LRFN5: variants seen among roughly 807,000 people sequenced by gnomAD.
LRFN5 encodes leucine-rich repeat and fibronectin type-III domain-containing protein 5.
In LRFN5, 24 loss-of-function variants were observed where a neutral mutation model predicts 45.6. The observed-to-expected ratio is 0.53, with a 90% CI of 0.38 to 0.74. LRFN5 has a LOEUF of 0.74. Ranked by LOEUF, LRFN5 falls within the 30% of genes least tolerant of loss-of-function variation. The pLI, the probability that LRFN5 is intolerant of heterozygous loss-of-function variation, is 0.00. For missense variants in LRFN5, 776 were observed against 861.5 expected, an observed-to-expected ratio of 0.90 and a Z score of 1.24; for synonymous variants, 340 against 313.8, an observed-to-expected ratio of 1.08 and a Z score of -0.88.
Position 41,629,146 on chromosome 14 carries a change from G to C in LRFN5, c.-197+20584G>C, listed in dbSNP as rs532269535. Among the ~76,000 whole-genome samples the C allele has an allele frequency of 1.1e-3, 172 of 152,208 alleles. 1 individual carries two copies. In the South Asian group the frequency reaches 0.035, roughly 31 times the overall value. The stretch of plus-strand genomic sequence containing the variant: ...ATTCTGCAGTTATTTATAAGTTCTG[G>C]GGATTTTCCCACTTTTATTTTAGAT... On this transcript the variant is annotated intron_variant, in intron 1 of 5. Coordinates refer to ENST00000298119, the MANE Select transcript of LRFN5 (RefSeq NM_152447.5).
In LRFN5 at chr14:41,758,305, T is replaced by A. The variant is rs535637878; in HGVS notation, c.-196-8549T>A. ...CTTCTGGATGTATCTTTTCTATTAA[T>A]GAATGCTGAGATTGCAGTCCTGAAA... On this transcript the variant is annotated intron_variant, in intron 1 of 5. Transcript: ENST00000298119. Among the ~76,000 whole-genome samples the A allele has an allele frequency of 4.2e-4, 64 of 152,312 alleles. 2 individuals carry two copies. The South Asian group carries it at 0.012, about 28-fold the overall frequency.
rs150832005 is a variant in LRFN5 at position 41,759,488 on chromosome 14, CACACACACACAG to C, written c.-196-7364_-196-7353del. Reference sequence around the variant, plus strand: ...ACACACACACACACACACACACACACACACACACACAGAGAGAGCACCAGAAAACAGCATTTT... The same window carrying C: ...ACACACACACACACACACACACACACAGAGAGCACCAGAAAACAGCATTTT... On this transcript the variant is annotated intron_variant, in intron 1 of 5. Coordinates refer to ENST00000298119, the MANE Select transcript of LRFN5 (RefSeq NM_152447.5). Among the ~76,000 whole-genome samples the C allele has an allele frequency of 0.017, 1,227 of 73,250 alleles. 15 individuals are homozygous for C. In the East Asian group the frequency reaches 0.25, roughly 15 times the overall value. 48.1% of individuals were successfully genotyped at this position (73,250 alleles called of 152,430 possible).
intron 2 of LRFN5, among the ~76,000 whole-genome samples, chr14:41,825,898 T>G (rs1286619877): frequency 6.6e-6 from 1 of 152,204 alleles, no homozygotes; most frequent in African/African-American, 2.4e-5. Flanking sequence ...AGGGATTTGG[T>G]GAACTAACAA....
intron 2 of LRFN5, among the ~76,000 whole-genome samples, chr14:41,825,450 G>A (rs900001218): frequency 2.0e-5 from 3 of 152,186 alleles, no homozygotes; most frequent in Admixed American, 6.5e-5. Flanking sequence ...CTCTTGGTAC[G>A]GGAGAACATG....
chr14:41,868,182 C>T (rs1218404472), intron 2 of LRFN5, among the ~76,000 whole-genome samples: 1 of 151,940 alleles, frequency 6.6e-6, no homozygotes, highest in Non-Finnish European at 1.5e-5. Flanking sequence ...AAGACATAGC[C>T]CTTCAAAAGC....
At chr14:41,768,087 TC>T (rs1457940325) in intron 2 of LRFN5, among the ~76,000 whole-genome samples, 3 of 152,186 alleles carry the variant, frequency 2.0e-5, no homozygotes, top group Non-Finnish European at 1.5e-5. Flanking sequence ...GTTAAAATTT[TC>T]TTGAAGTGAA....
chr14:41,716,573 A>C (rs2138758850), intron 1 of LRFN5, among the ~76,000 whole-genome samples: 1 of 152,206 alleles, frequency 6.6e-6, no homozygotes, highest in East Asian at 1.9e-4. Context: ...CCCTTATTCC[A>C]GTTCCCAACA....
chr14:41,832,784 T>C lies in LRFN5; in HGVS notation c.-20-53822T>C, dbSNP rs531807287. ...CCATTACCGATTTTTCAAAATGCCG[T>C]TCTACTTTTCTCTTGTGTGAGCTGT... On this transcript the variant is annotated intron_variant, in intron 2 of 5. Coordinates refer to ENST00000298119, the MANE Select transcript of LRFN5 (RefSeq NM_152447.5). 7.9e-5 allele frequency among the ~76,000 whole-genome samples: 12 copies of C among 152,314 alleles called. No homozygotes were observed. In the South Asian group the frequency reaches 2.5e-3, roughly 32 times the overall value.
intron 1 of LRFN5, among the ~76,000 whole-genome samples, chr14:41,654,565 G>A (rs1880286680): frequency 6.6e-6 from 1 of 151,952 alleles, no homozygotes; most frequent in Admixed American, 6.6e-5. Context: ...GCAGAAGGAG[G>A]TCTCAGTAAA....
intron 1 of LRFN5, chr14:41,701,521 G>A (rs1882840675): frequency 6.6e-6 from 1 of 152,210 alleles, no homozygotes; most frequent in South Asian, 2.1e-4. Flanking sequence ...TCAGGCCGAA[G>A]TGGGTTCATC....
At chr14:41,795,625 A>G (rs1887095278) in intron 2 of LRFN5, among the ~76,000 whole-genome samples, 1 of 152,054 alleles carries the variant, frequency 6.6e-6, no homozygotes, top group Non-Finnish European at 1.5e-5. Flanking sequence ...TGTCCTTTGT[A>G]GGGACATGGA....
intron 5 of LRFN5, among the ~76,000 whole-genome samples, chr14:41,902,142 T>C (rs1891121318): frequency 6.6e-6 from 1 of 151,912 alleles, no homozygotes; most frequent in South Asian, 2.1e-4. Flanking sequence ...GGATTTTTTT[T>C]CTTCTCTTAA....
At chr14:41,752,820 T>G (rs1885196482) in intron 1 of LRFN5, among the ~76,000 whole-genome samples, 1 of 152,222 alleles carries the variant, frequency 6.6e-6, no homozygotes, top group Admixed American at 6.5e-5. Context: ...TTTTTGTGTT[T>G]TAGACATGAA....
At chr14:41,813,134 G>T (rs1367808906) in intron 2 of LRFN5, among the ~76,000 whole-genome samples, 7 of 152,056 alleles carry the variant, frequency 4.6e-5, no homozygotes, top group Non-Finnish European at 1.0e-4. Flanking sequence ...TTTGTTAATA[G>T]TCCACTCAAA....
At chr14:41,733,948 T>C (rs539519805) in intron 1 of LRFN5, among the ~76,000 whole-genome samples, 1 of 150,814 alleles carries the variant, frequency 6.6e-6, no homozygotes, top group South Asian at 2.1e-4. Flanking sequence ...TTCAGTTCTA[T>C]TAATATTTGC....
intron 1 of LRFN5, among the ~76,000 whole-genome samples, chr14:41,661,934 AACTACTTATCATTATTTGT>A (rs1462210288): frequency 6.6e-5 from 10 of 152,224 alleles, no homozygotes; most frequent in Non-Finnish European, 1.2e-4. Context: ...AGCATTCATT[AACTACTTATCATTATTTGT>A]ACTACTTGTT....
chr14:41,860,856 C>T (rs952247252), intron 2 of LRFN5, among the ~76,000 whole-genome samples: 1 of 152,150 alleles, frequency 6.6e-6, no homozygotes, highest in Admixed American at 6.5e-5. Flanking sequence ...ACGAAAGCTA[C>T]AGACATCCAC....
intron 2 of LRFN5, among the ~76,000 whole-genome samples, chr14:41,884,245 T>C (rs7159901): frequency 0.34 from 52,349 of 152,082 alleles, 9,454 homozygotes; most frequent in East Asian, 0.63. Context: ...AGGATCACAG[T>C]TCTGTATTTA....
intron 1 of LRFN5, among the ~76,000 whole-genome samples, chr14:41,642,103 T>C (rs1174548802): frequency 1.3e-5 from 2 of 152,190 alleles, no homozygotes; most frequent in African/African-American, 4.8e-5. Flanking sequence ...GTCTTACTAT[T>C]TGAATTTGTT....
Sources: gnomAD v4.1 joint callset for allele counts (sites outside exome capture counted in the v4.1 genomes callset) on GRCh38, gnomAD v4.1.1 for gene constraint, MANE v1.5 for transcripts, NCBI Gene and HGNC (gene_info 2026-07-23, HGNC 2026-07-21) for gene names.